The following ELMO3 variants were observed in gnomAD, a reference collection of about 807,000 sequenced individuals.
ELMO3 encodes engulfment and cell motility 3, also known as engulfment and cell motility protein 3.
ELMO3 carries 81 observed loss-of-function variants against 89.0 expected under a neutral mutation model. That is an observed-to-expected ratio of 0.91 (90% CI 0.76 to 1.09). The LOEUF is 1.09. Ranked by LOEUF, ELMO3 falls within the 50% of genes least tolerant of loss-of-function variation. ELMO3 has a pLI of 0.00. For missense variants in ELMO3, 959 were observed against 972.8 expected, an observed-to-expected ratio of 0.99 and a Z score of 0.19; for synonymous variants, 406 against 400.6, an observed-to-expected ratio of 1.01 and a Z score of -0.16.
In ELMO3 at chr16:67,202,189, A is replaced by G; in HGVS notation, c.1166A>G (p.Asn389Ser). The G allele has an allele frequency of 6.2e-7, 1 of 1,601,340 alleles. No individual in the cohort carries two copies. Among genetic ancestry groups the G allele is most frequent in the Non-Finnish European group, 8.5e-7 (1 of 1,171,840 alleles). Residue 389 changes from asparagine to serine, a missense_variant, in exon 13 of 20, where the codon AAC (asparagine) becomes AGC (serine). Asn to Ser is a conservative substitution (Grantham distance 46, BLOSUM62 1). Coordinates refer to ENST00000393997, the MANE Select transcript of ELMO3 (RefSeq NM_024712.5). Reference sequence around the variant, plus strand: ...CTGCGCCCCCAGTTTGTGTTGGAGAACAGCAGCCGCGAGGACAAGCACGAG... The same window carrying G: ...CTGCGCCCCCAGTTTGTGTTGGAGAGCAGCAGCCGCGAGGACAAGCACGAG... ...PSAYSRFVLE[N>S]SSREDKHECP...
Position 67,199,279 on chromosome 16 carries a change from A to G in ELMO3, c.-48A>G. The G allele has an allele frequency of 6.2e-7, 1 of 1,612,328 alleles. No individual in the cohort carries two copies. Among genetic ancestry groups the G allele is most frequent in the Non-Finnish European group, 8.5e-7 (1 of 1,179,784 alleles). On this transcript the variant is annotated 5_prime_UTR_variant, in exon 1 of 20. Coordinates refer to ENST00000393997, the MANE Select transcript of ELMO3 (RefSeq NM_024712.5). ...CCAGGCCAGGTGCACCCTTGGCCGC[A>G]GGTGCACGGTCTCCGGAAAGTGCAG...
At position 67,200,480 on chromosome 16, in the gene ELMO3, G is replaced by C; in HGVS notation, c.443G>C (p.Arg148Thr). The C allele has an allele frequency of 1.2e-6, 2 of 1,613,518 alleles. No individual in the cohort carries two copies. Among genetic ancestry groups the C allele is most frequent in the Non-Finnish European group, 1.7e-6 (2 of 1,179,802 alleles). ...GGAGAGGTGCTGGCCCTCAGCCTGA[G>C]GGCCTTCTCAGAGCTCATGGAGCAC... ...DLGEVLALSL[R>T]AFSELMEHGV... The change falls in exon 6 of 20, where the codon AGG becomes ACG. Residue 148 changes from arginine to threonine, a missense_variant. Physicochemically the swap from Arg to Thr is moderately conservative, Grantham distance 71. Transcript: ENST00000393997.
In ELMO3 at chr16:67,200,901, A is replaced by T. The variant is rs2142219119; in HGVS notation, c.677A>T (p.Gln226Leu). ...TCTTCTTGCCATAGGATGAACCAGCAGCTGCAAACCAAGGCCATGGCCCTG... is the reference window on the plus strand; with the variant it reads ...TCTTCTTGCCATAGGATGAACCAGCTGCTGCAAACCAAGGCCATGGCCCTG... ...LLVHLQVMNQ[Q>L]LQTKAMALLT... Residue 226 changes from glutamine (Q) to leucine (L), a missense_variant, in exon 8 of 20, where the codon CAG (glutamine) becomes CTG (leucine). Transcript: ENST00000393997. 2 of 1,613,764 alleles carry T rather than the reference A, an allele frequency of 1.2e-6. No homozygotes were observed. The highest frequency in any genetic ancestry group is 4.5e-5 in the East Asian group (2 of 44,878).
chr16:67,201,344 A>T lies in ELMO3; in HGVS notation c.745-41A>T. On this transcript the variant is annotated intron_variant, in intron 8 of 19. Transcript: ENST00000393997. The stretch of plus-strand genomic sequence containing the variant: ...AGTGCTGGGATTACAGGCGTGAGCC[A>T]CCGCGCCCAGCCTAAGCCCCCTTTC... 3 of 1,609,826 alleles carry T rather than the reference A, an allele frequency of 1.9e-6. No individual in the cohort carries two copies. The South Asian group carries it at 3.3e-5, about 18-fold the overall frequency.
chr16:67,202,448 G>A lies in ELMO3; in HGVS notation c.1313G>A (p.Ser438Asn), dbSNP rs1483781375. 4.3e-6 allele frequency: 7 copies of A among 1,613,648 alleles called. No homozygotes were observed. Among genetic ancestry groups the A allele is most frequent in the African/African-American group, 2.7e-5 (2 of 74,940 alleles). ...CCCATGTTCTTCGGCCAAGACCAGA[G>A]CTTCCACGAGCTCTTCTGTGTGGGC... ...FSPMFFGQDQ[S>N]FHELFCVGIQ... is the part of the protein sequence containing the mutation. Residue 438 changes from serine to asparagine, a missense_variant, in exon 14 of 20, where the codon AGC (serine) becomes AAC (asparagine). Ser to Asn is a conservative substitution (Grantham distance 46). Transcript: ENST00000393997.
rs982866696 is a variant in ELMO3 at position 67,202,844 on chromosome 16, C to T, written c.1563-48C>T. The T allele has an allele frequency of 9.3e-6, 15 of 1,612,314 alleles. No homozygotes were observed. The African/African-American group carries it at 2.0e-4, about 22-fold the overall frequency. Reference sequence around the variant, plus strand: ...CTAGCCCTACCTTCCTTGGTGCCCCCTGGGCTACTCCCCAGGTCAGATGTG... The same window carrying T: ...CTAGCCCTACCTTCCTTGGTGCCCCTTGGGCTACTCCCCAGGTCAGATGTG... On this transcript the variant is annotated intron_variant, in intron 15 of 19. Coordinates refer to ENST00000393997, the MANE Select transcript of ELMO3 (RefSeq NM_024712.5).
At position 67,203,067 on chromosome 16, in the gene ELMO3, C is replaced by A; in HGVS notation, c.1676-52C>A. 6.3e-7 allele frequency: 1 copy of A among 1,595,680 alleles called. No individual in the cohort carries two copies. The highest frequency in any genetic ancestry group is 8.5e-7 in the Non-Finnish European group (1 of 1,172,730). On this transcript the variant is annotated intron_variant, in intron 16 of 19. Transcript: ENST00000393997. The surrounding 1 kb of genome is among the most constrained non-coding windows in gnomAD (Gnocchi z 4.6). ...CAGAGGGCAGGCAGAGGGCGGCTGG[C>A]TTGGTGTCAGGACCTCTCAGCACTC... is the stretch of plus-strand genomic sequence containing the variant.
At chr16:67,201,917 A>G (rs773315787) in intron 11 of ELMO3, 44 bp downstream of exon 11, 9 of 1,605,126 alleles carry the variant, frequency 5.6e-6, no homozygotes, top group South Asian at 1.1e-5. Flanking sequence ...GCCTCAGCCC[A>G]GGGCTGTTGT....
Position 67,202,174 on chromosome 16 carries a change from A to G in ELMO3, c.1153-2A>G. The G allele has an allele frequency of 1.3e-6, 2 of 1,599,508 alleles. No homozygotes were observed. Among genetic ancestry groups the G allele is most frequent in the African/African-American group, 1.3e-5 (1 of 74,788 alleles). On this transcript the variant is annotated splice_acceptor_variant, in intron 12 of 19. Coordinates refer to ENST00000393997, the MANE Select transcript of ELMO3 (RefSeq NM_024712.5). LOFTEE classifies it high-confidence loss of function. Reference sequence around the variant, plus strand: ...TCCTTGCCCCATTCTCTGCGCCCCCAGTTTGTGTTGGAGAACAGCAGCCGC... The same window carrying G: ...TCCTTGCCCCATTCTCTGCGCCCCCGGTTTGTGTTGGAGAACAGCAGCCGC...
chr16:67,201,481 G>C, intron 9 of ELMO3, 39 bp from the exon 10 acceptor site: 1 of 1,613,826 alleles, frequency 6.2e-7, no homozygotes, highest in South Asian at 1.1e-5. Flanking sequence ...CTCCCTCCCC[G>C]TGAGCCCTCG....
At chr16:67,199,643 C>T (rs1006511927) in intron 2 of ELMO3, 41 bp from the exon 3 acceptor site, 4 of 1,607,460 alleles carry the variant, frequency 2.5e-6, no homozygotes, top group Non-Finnish European at 3.4e-6. Context: ...GCAGGAGGGG[C>T]GGCGCCCCCT....
rs751796086 is a variant in ELMO3, at chr16:67,202,472, G to A, written c.1337G>A (p.Gly446Asp). ...DQSFHELFCV[G>D]IQLLNKTWKE... ...AGCTTCCACGAGCTCTTCTGTGTGG[G>A]CATCCAGCTGTTGAATAAGACCTGG... is the stretch of plus-strand genomic sequence containing the variant. The change falls in exon 14 of 20, where the codon GGC (glycine) becomes GAC (aspartate). Residue 446 changes from glycine to aspartate, a missense_variant. Physicochemically the swap from Gly to Asp is moderately conservative, Grantham distance 94 (BLOSUM62 -1). Coordinates refer to ENST00000393997, the MANE Select transcript of ELMO3 (RefSeq NM_024712.5). 6.2e-7 allele frequency: 1 copy of A among 1,613,200 alleles called. No homozygotes were observed.
Position 67,200,438 on chromosome 16 carries a change from G to C in ELMO3, c.414-13G>C. The C allele has an allele frequency of 6.2e-7, 1 of 1,611,834 alleles. No homozygotes were observed. The highest frequency in any genetic ancestry group is 8.5e-7 in the Non-Finnish European group (1 of 1,178,480). On this transcript the variant is annotated splice_polypyrimidine_tract_variant and intron_variant, in intron 5 of 19. Transcript: ENST00000393997. ...GGGGTGGTCCTGCTCAGCCCCAGATGTCCCCCCTCCAGCCTAGGAGAGGTG... is the reference window on the plus strand; with the variant it reads ...GGGGTGGTCCTGCTCAGCCCCAGATCTCCCCCCTCCAGCCTAGGAGAGGTG...
intron 1 of ELMO3, 54 bp downstream of exon 1, chr16:67,199,458 C>G: frequency 6.3e-7 from 1 of 1,593,942 alleles, no homozygotes. Flanking sequence ...TCCCGGTAGC[C>G]CCCTGGCCCT....
intron 4 of ELMO3, 31 bp downstream of exon 4, chr16:67,200,032 C>T: frequency 6.2e-7 from 1 of 1,611,010 alleles, no homozygotes; most frequent in Non-Finnish European, 8.5e-7. Flanking sequence ...CCTTCCCCAT[C>T]CCTGCCCCTT....
Position 67,203,111 on chromosome 16 carries a change from C to G in ELMO3, c.1676-8C>G. ...AGCACTCTGGCCCTCTTCCCTTTCT[C>G]CACGCAGATAAGCTGTGGTTCTGCT... is the stretch of plus-strand genomic sequence containing the variant. On this transcript the variant is annotated splice_polypyrimidine_tract_variant and splice_region_variant and intron_variant, in intron 16 of 19. Coordinates refer to ENST00000393997, the MANE Select transcript of ELMO3 (RefSeq NM_024712.5). The surrounding 1 kb of genome is among the most constrained non-coding windows in gnomAD (Gnocchi z 4.6). The G allele has an allele frequency of 6.2e-7, 1 of 1,604,826 alleles. No homozygotes were observed. The highest frequency in any genetic ancestry group is 1.1e-5 in the South Asian group (1 of 89,918).
Position 67,200,291 on chromosome 16 carries a change from A to G in ELMO3, c.343A>G (p.Ile115Val). The G allele has an allele frequency of 3.1e-6, 5 of 1,613,792 alleles. No individual in the cohort carries two copies. The highest frequency in any genetic ancestry group is 4.2e-6 in the Non-Finnish European group (5 of 1,180,028). ...CCTTGTTCCGCTGGCCTCGGACATG[A>G]TCTTTGCCAGGGAGGTCATCAGCCG... ...RRLVPLASDM[I>V]FAREVISRNG... Residue 115 changes from isoleucine to valine, a missense_variant, in exon 5 of 20, where the codon ATC becomes GTC. Transcript: ENST00000393997.
intron 3 of ELMO3, 25 bp from the exon 4 acceptor site, chr16:67,199,926 C>A (rs758611881): frequency 3.7e-6 from 6 of 1,613,944 alleles, no homozygotes; most frequent in Non-Finnish European, 5.1e-6. Flanking sequence ...CCTGACCTCG[C>A]TGCCTTTTCT....
At position 67,201,769 on chromosome 16, in the gene ELMO3, C is replaced by G; in HGVS notation, c.946C>G (p.Arg316Gly). The G allele has an allele frequency of 6.2e-7, 1 of 1,611,176 alleles. No individual in the cohort carries two copies. The highest frequency in any genetic ancestry group is 1.1e-5 in the South Asian group (1 of 91,088). ...GCAGCGGGAGCAGCTGCAGGTCCTACGCCAGGCTGCCTTCGAGGTGGAGGG... is the reference window on the plus strand; with the variant it reads ...GCAGCGGGAGCAGCTGCAGGTCCTAGGCCAGGCTGCCTTCGAGGTGGAGGG... ...QEQREQLQVL[R>G]QAAFEVEGES... is the part of the protein sequence containing the mutation. Residue 316 changes from arginine (R) to glycine (G), a missense_variant, in exon 11 of 20, where the codon CGC (arginine) becomes GGC (glycine). By Grantham distance (125) the Arg-to-Gly change is moderately radical. Coordinates refer to ENST00000393997, the MANE Select transcript of ELMO3 (RefSeq NM_024712.5).
Sources: gnomAD v4.1 joint callset for allele counts on GRCh38, gnomAD v4.1.1 for gene constraint, Gnocchi (gnomAD v3.1) non-coding constraint, MANE v1.5 for transcripts, NCBI Gene and HGNC (gene_info 2026-07-23, HGNC 2026-07-21) for gene names.